DLGAP2: variants seen among roughly 807,000 people sequenced by gnomAD.
DLGAP2 encodes the protein disks large-associated protein 2.
DLGAP2 carries 26 observed loss-of-function variants against 100.3 expected under a neutral mutation model. That is an observed-to-expected ratio of 0.26 (90% CI 0.19 to 0.36). DLGAP2 has a LOEUF of 0.36. Ranked by LOEUF, DLGAP2 falls within the 10% of genes least tolerant of loss-of-function variation. The probability of loss-of-function intolerance (pLI) is 1.00; values close to 1 mark genes in which losing one functional copy is unlikely to be tolerated. For synonymous variants in DLGAP2, 886 were observed against 630.1 expected (o/e 1.41, Z -6.08); for missense variants, 1,858 against 1,453.2 (o/e 1.28, Z -4.53).
intron 2 of DLGAP2, among the ~76,000 whole-genome samples, chr8:1,040,238 G>GTGGTCAGCTCGGTTTCCA (rs200710917): frequency 7.0e-6 from 1 of 143,836 alleles, no homozygotes; most frequent in Non-Finnish European, 1.5e-5. Flanking sequence ...CTCGGTTTCT[G>GTGGTCAGCTCGGTTTCCA]TGGTCAGCTC....
chr8:1,198,890 G>A (rs532254686), intron 2 of DLGAP2, among the ~76,000 whole-genome samples: 2 of 152,246 alleles, frequency 1.3e-5, no homozygotes, highest in African/African-American at 2.4e-5. Context: ...CTATGCAGGT[G>A]CACAGGGAAG....
At chr8:799,548 A>G (rs186158766) in intron 1 of DLGAP2, among the ~76,000 whole-genome samples, 1 of 152,184 alleles carries the variant, frequency 6.6e-6, no homozygotes, top group African/African-American at 2.4e-5. Flanking sequence ...ATGACAATGC[A>G]TATTCTGCAA....
chr8:1,281,009 G>A (rs1331366741), intron 3 of DLGAP2, among the ~76,000 whole-genome samples: 2 of 152,184 alleles, frequency 1.3e-5, no homozygotes, highest in African/African-American at 2.4e-5. Context: ...CACGACCTTG[G>A]TCAAGCAATG....
rs1799752471 is a variant in DLGAP2 at position 1,708,076 on chromosome 8, T to TC, written c.*6673dup. On this transcript the variant is annotated 3_prime_UTR_variant, in exon 15 of 15. Transcript: ENST00000637795. Reference sequence around the variant, plus strand: ...GGATTGCTTTATTTGTGTTCTTTTTTCCCATGACTTTTTTTCACTCTCAGC... The same window carrying TC: ...GGATTGCTTTATTTGTGTTCTTTTTTCCCCATGACTTTTTTTCACTCTCAGC... 6.6e-6 allele frequency: 1 copy of TC among 152,354 alleles called. No individual in the cohort carries two copies. Among genetic ancestry groups the TC allele is most frequent in the African/African-American group, 2.4e-5 (1 of 41,450 alleles). The allele number at this position is 152,354 out of a possible 1,614,324, so 9.4% of individuals were successfully genotyped here.
At chr8:1,269,763 G>T (rs535720458) in intron 3 of DLGAP2, among the ~76,000 whole-genome samples, 1 of 152,104 alleles carries the variant, frequency 6.6e-6, no homozygotes, top group East Asian at 1.9e-4. Context: ...CTAGAAATAA[G>T]CAAAAAAGGC....
rs1459964500 is a variant in DLGAP2 at position 1,708,422 on chromosome 8, A to C, written c.*7016A>C. The C allele has an allele frequency of 6.6e-6, 1 of 152,234 alleles. No individual in the cohort carries two copies. Among genetic ancestry groups the C allele is most frequent in the Non-Finnish European group, 1.5e-5 (1 of 68,036 alleles). 9.4% of individuals were successfully genotyped at this position (152,234 alleles called of 1,614,324 possible). ...AGGTTACAGATTTAATATGTATGCA[A>C]AATGGTATAGATTAAATGAGTTTTT... On this transcript the variant is annotated 3_prime_UTR_variant, in exon 15 of 15. Coordinates refer to ENST00000637795, the MANE Select transcript of DLGAP2 (RefSeq NM_001346810.2).
chr8:893,352 C>T (rs774793515), intron 1 of DLGAP2, among the ~76,000 whole-genome samples: 21 of 152,210 alleles, frequency 1.4e-4, no homozygotes, highest in Non-Finnish European at 2.9e-4. Context: ...TGCCTTTTGA[C>T]CCTGCCAGGA....
At chr8:744,658 G>A (rs1347849107) in intron 1 of DLGAP2, among the ~76,000 whole-genome samples, 1 of 145,876 alleles carries the variant, frequency 6.9e-6, no homozygotes, top group African/African-American at 2.6e-5. Flanking sequence ...TGCTCCCCAC[G>A]GTCACTCCCT....
At chr8:1,614,239 A>G (rs934098139) in intron 6 of DLGAP2, among the ~76,000 whole-genome samples, 2 of 152,166 alleles carry the variant, frequency 1.3e-5, no homozygotes, top group Non-Finnish European at 2.9e-5. Context: ...AAAAAAACGG[A>G]TGGCACAGAC....
intron 6 of DLGAP2, among the ~76,000 whole-genome samples, chr8:1,599,687 G>A (rs1440405489): frequency 6.6e-6 from 1 of 152,138 alleles, no homozygotes; most frequent in African/African-American, 2.4e-5. Context: ...TCAGAGACTA[G>A]GATTGCAACT....
intron 3 of DLGAP2, among the ~76,000 whole-genome samples, chr8:1,367,193 G>A (rs962471163): frequency 6.6e-6 from 1 of 152,196 alleles, no homozygotes; most frequent in Non-Finnish European, 1.5e-5. Context: ...TGGGGGGTTG[G>A]CCATTGAATC....
At chr8:805,740 ACTC>A (rs2132662851) in intron 1 of DLGAP2, among the ~76,000 whole-genome samples, 1 of 151,960 alleles carries the variant, frequency 6.6e-6, no homozygotes, top group South Asian at 2.1e-4. Context: ...AGCTGGGACT[ACTC>A]CTGAGCCCAA....
At chr8:777,073 C>A (rs1294291761) in intron 1 of DLGAP2, among the ~76,000 whole-genome samples, 1 of 152,204 alleles carries the variant, frequency 6.6e-6, no homozygotes, top group African/African-American at 2.4e-5. Context: ...GTTAGCTCTT[C>A]TTGTTGAATT....
chr8:820,629 G>C (rs1477211460), intron 1 of DLGAP2, among the ~76,000 whole-genome samples: 1 of 152,202 alleles, frequency 6.6e-6, no homozygotes, highest in African/African-American at 2.4e-5. Flanking sequence ...AAAGCAAGAA[G>C]ATTGTTGATA....
chr8:1,384,287 C>T (rs1467888519), intron 3 of DLGAP2, among the ~76,000 whole-genome samples: 1 of 152,268 alleles, frequency 6.6e-6, no homozygotes, highest in African/African-American at 2.4e-5. Flanking sequence ...CTCTCCTCTG[C>T]CGTGGCCTAT....
intron 10 of DLGAP2, among the ~76,000 whole-genome samples, chr8:1,671,061 G>T (rs1798679153): frequency 6.6e-6 from 1 of 152,198 alleles, no homozygotes; most frequent in African/African-American, 2.4e-5. Context: ...GTTGTTAATT[G>T]TGCCCAGACT....
intron 1 of DLGAP2, among the ~76,000 whole-genome samples, chr8:779,968 C>G (rs559609216): frequency 6.6e-6 from 1 of 152,258 alleles, no homozygotes; most frequent in South Asian, 2.1e-4. Flanking sequence ...AGCTAACTGA[C>G]ATACCTGTCA....
At chr8:1,156,870 C>T (rs945454940) in intron 2 of DLGAP2, among the ~76,000 whole-genome samples, 1 of 152,160 alleles carries the variant, frequency 6.6e-6, no homozygotes, top group Non-Finnish European at 1.5e-5. Context: ...CTGATTTCCA[C>T]GCGAAGATGA....
intron 3 of DLGAP2, among the ~76,000 whole-genome samples, chr8:1,364,347 C>G (rs1022077320): frequency 3.9e-5 from 6 of 152,148 alleles, no homozygotes; most frequent in Admixed American, 1.3e-4. Flanking sequence ...TAGGATCGTT[C>G]TCGTGATCGT....
Sources: gnomAD v4.1 joint callset for allele counts (sites outside exome capture counted in the v4.1 genomes callset) on GRCh38, gnomAD v4.1.1 for gene constraint, MANE v1.5 for transcripts, NCBI Gene and HGNC (gene_info 2026-07-23, HGNC 2026-07-21) for gene names.